REV3L: variants seen among roughly 807,000 people sequenced by gnomAD.
REV3L encodes REV3 like, DNA directed polymerase zeta catalytic subunit.
In REV3L, 69 loss-of-function variants were observed where a neutral mutation model predicts 299.4. The observed-to-expected ratio is 0.23, with a 90% CI of 0.19 to 0.28. REV3L has a LOEUF of 0.28. Among genes scored for constraint, REV3L ranks in the 10% least tolerant of loss-of-function variants. REV3L has a pLI of 1.00. For missense variants in REV3L, 3,128 were observed against 3,693.8 expected (o/e 0.85, Z 3.97); for synonymous variants, 1,238 against 1,271.4 (o/e 0.97, Z 0.56).
chr6:111,315,917 G>A (rs944565312), intron 26 of REV3L, among the ~76,000 whole-genome samples: 4 of 152,158 alleles, frequency 2.6e-5, no homozygotes, highest in Admixed American at 2.6e-4. Flanking sequence ...TGTCTTCCAT[G>A]AAACCGATCC....
At chr6:111,472,052 A>G (rs1430359752) in intron 1 of REV3L, 1 of 1,213,014 alleles carries the variant, frequency 8.2e-7, no homozygotes, top group Non-Finnish European at 1.1e-6. Context: ...AATCTTCCTC[A>G]GATATATTAT....
intron 4 of REV3L, among the ~76,000 whole-genome samples, chr6:111,404,758 A>G (rs940399021): frequency 6.6e-6 from 1 of 152,244 alleles, no homozygotes; most frequent in Non-Finnish European, 1.5e-5. Context: ...TTTGTTCATA[A>G]TATCAACGGC....
intron 31 of REV3L, among the ~76,000 whole-genome samples, chr6:111,303,180 T>TTTTTTC (rs2114682857): frequency 7.0e-6 from 1 of 142,182 alleles, no homozygotes; most frequent in African/African-American, 2.6e-5. Flanking sequence ...TTTTTTTTTT[T>TTTTTTC]TTGAGATGAG....
chr6:111,445,233 G>A (rs914500371), intron 1 of REV3L, among the ~76,000 whole-genome samples: 1 of 152,158 alleles, frequency 6.6e-6, no homozygotes, highest in Non-Finnish European at 1.5e-5. Flanking sequence ...CTACTAGAAA[G>A]GAAAGGTAGG....
At chr6:111,464,099 A>G (rs1791123692) in intron 1 of REV3L, among the ~76,000 whole-genome samples, 1 of 152,142 alleles carries the variant, frequency 6.6e-6, no homozygotes, top group South Asian at 2.1e-4. Flanking sequence ...TAAAATAAAT[A>G]AATAAATAAC....
intron 25 of REV3L, among the ~76,000 whole-genome samples, chr6:111,327,502 C>T (rs1265535623): frequency 2.7e-5 from 4 of 150,004 alleles, no homozygotes; most frequent in East Asian, 1.9e-4. Context: ...TGCAGTGAGC[C>T]GTGGTTAAGC....
chr6:111,460,624 TA>T (rs1175156002), intron 1 of REV3L, among the ~76,000 whole-genome samples: 1 of 152,012 alleles, frequency 6.6e-6, no homozygotes, highest in Non-Finnish European at 1.5e-5. Flanking sequence ...TAAGAAATGT[TA>T]AAAGTTCTTC....
chr6:111,307,454 G>C lies in REV3L; in HGVS notation c.9159C>G (p.Ile3053Met). The change falls in exon 31 of 32, where the codon ATC becomes ATG. Residue 3053 changes from isoleucine (I) to methionine (M), a missense_variant. By Grantham distance (10) the Ile-to-Met change is conservative. Around this residue, in one of 9 missense-constraint regions of REV3L, gnomAD observed 294 missense variants for 377.0 expected, o/e 0.78. Transcript: ENST00000368802. ...GAGGTTGGCTCCGACATTTACTACA[G>C]ATGCCATGCTGAGTTAGGTCATCAC... ...PVCDDLTQHG[I>M]CSKCRSQPQH... is the part of the protein sequence containing the mutation. The C allele has an allele frequency of 1.9e-6, 3 of 1,614,204 alleles. No homozygotes were observed. The highest frequency in any genetic ancestry group is 2.5e-6 in the Non-Finnish European group (3 of 1,180,022).
chr6:111,320,261 T>C (rs1422522808), intron 26 of REV3L, among the ~76,000 whole-genome samples: 3 of 151,976 alleles, frequency 2.0e-5, no homozygotes, highest in African/African-American at 7.3e-5. Context: ...AGAGATGGCG[T>C]TCTCCATATG....
chr6:111,373,889 T>C lies in REV3L; in HGVS notation c.4466A>G (p.Glu1489Gly). Reference sequence around the variant, plus strand: ...TGATAACGACCTCGGTTTTACTCTTTCAGGTTTAAAATTTGACATATCTAA... The same window carrying C: ...TGATAACGACCTCGGTTTTACTCTTCCAGGTTTAAAATTTGACATATCTAA... Reference protein sequence around the residue: ...FILDMSNFKPERVKPRSLSEA... With the variant: ...FILDMSNFKPGRVKPRSLSEA... Residue 1489 changes from glutamate (E) to glycine (G), a missense_variant, in exon 13 of 32, where the codon GAA becomes GGA. Around this residue, in one of 9 missense-constraint regions of REV3L, gnomAD observed 2,409 missense variants for 2,611.8 expected, o/e 0.92. Coordinates refer to ENST00000368802, the MANE Select transcript of REV3L (RefSeq NM_001372078.1). 6.2e-7 allele frequency: 1 copy of C among 1,614,010 alleles called. No individual in the cohort carries two copies. Among genetic ancestry groups the C allele is most frequent in the Non-Finnish European group, 8.5e-7 (1 of 1,179,946 alleles).
intron 1 of REV3L, among the ~76,000 whole-genome samples, chr6:111,446,355 G>GAATT (rs1268271625): frequency 2.6e-5 from 4 of 152,192 alleles, no homozygotes; most frequent in Non-Finnish European, 4.4e-5. Context: ...TAATGCTAGT[G>GAATT]TAAATTAGGA....
chr6:111,398,834 G>A (rs1160216842), intron 4 of REV3L, among the ~76,000 whole-genome samples: 2 of 151,878 alleles, frequency 1.3e-5, no homozygotes, highest in African/African-American at 2.4e-5. Flanking sequence ...AAACCTGAGG[G>A]CTAACTATAT....
At chr6:111,414,254 CT>C (rs1276043354) in intron 2 of REV3L, among the ~76,000 whole-genome samples, 1 of 152,072 alleles carries the variant, frequency 6.6e-6, no homozygotes, top group Non-Finnish European at 1.5e-5. Context: ...AAGAAAACTT[CT>C]CTGAAGAGGT....
In REV3L at chr6:111,373,429, T is replaced by C. The variant is rs1393034537; in HGVS notation, c.4926A>G (p.Glu1642=). Reference sequence around the variant, plus strand: ...TGTTAATATCAAAATTATAATTATGTTCAGGAGATAAACTATCTTCAAGTG... The same window carrying C: ...TGTTAATATCAAAATTATAATTATGCTCAGGAGATAAACTATCTTCAAGTG... The part of the protein sequence containing the change: ...CYSLEDSLSP[E]HNYNFDINTI... The change falls in exon 13 of 32, where the codon GAA becomes GAG. Residue 1642 remains glutamate (E), a synonymous_variant. Transcript: ENST00000368802. 1.2e-6 allele frequency: 2 copies of C among 1,613,490 alleles called. No individual in the cohort carries two copies. Among genetic ancestry groups the C allele is most frequent in the Admixed American group, 1.7e-5 (1 of 59,958 alleles).
intron 1 of REV3L, among the ~76,000 whole-genome samples, chr6:111,440,012 C>T (rs547916928): frequency 3.3e-5 from 5 of 152,278 alleles, no homozygotes; most frequent in East Asian, 1.9e-4. Flanking sequence ...AATGCTTCCA[C>T]AACCCATAGG....
chr6:111,395,548 T>C (rs1412065776), intron 4 of REV3L, among the ~76,000 whole-genome samples: 1 of 152,190 alleles, frequency 6.6e-6, no homozygotes, highest in Non-Finnish European at 1.5e-5. Flanking sequence ...TTTTTGTGGG[T>C]TTTAAAAAAA....
intron 11 of REV3L, among the ~76,000 whole-genome samples, chr6:111,379,520 C>T (rs1780619326): frequency 6.6e-6 from 1 of 152,206 alleles, no homozygotes; most frequent in Non-Finnish European, 1.5e-5. Context: ...AAACAAACCA[C>T]AACACCAGTG....
intron 1 of REV3L, among the ~76,000 whole-genome samples, chr6:111,469,557 T>C (rs576592992): frequency 2.0e-5 from 3 of 152,310 alleles, no homozygotes; most frequent in South Asian, 2.1e-4. Flanking sequence ...GAATTGGCCA[T>C]GTTGATCTGC....
rs1318207295 is a variant in REV3L at position 111,422,684 on chromosome 6, A to G, written c.140-6212T>C. Among the ~76,000 whole-genome samples the G allele has an allele frequency of 6.5e-5, 8 of 122,366 alleles. No individual in the cohort carries two copies. In the South Asian group the frequency reaches 7.8e-4, roughly 12 times the overall value. 80.3% of individuals were successfully genotyped at this position (122,366 alleles called of 152,430 possible). A position where few individuals can be genotyped will look rare whatever the true frequency, so the allele number is the denominator to read the frequency against. On this transcript the variant is annotated intron_variant, in intron 1 of 31. Coordinates refer to ENST00000368802, the MANE Select transcript of REV3L (RefSeq NM_001372078.1). ...TATACATATATATATATATACGTAT[A>G]TATATATATATATATATTTCCCCCC...
Sources: allele counts gnomAD v4.1 joint callset (sites outside exome capture counted in the v4.1 genomes callset), GRCh38; gene constraint gnomAD v4.1.1; regional missense constraint gnomAD v4.1.1; transcripts MANE v1.5; gene names NCBI Gene and HGNC (gene_info 2026-07-23, HGNC 2026-07-21).